The following CHM variants were observed in gnomAD, a reference collection of about 807,000 sequenced individuals.
CHM encodes the protein rab proteins geranylgeranyltransferase component A 1.
In CHM, 10 loss-of-function variants were observed where a neutral mutation model predicts 49.0. That is an observed-to-expected ratio of 0.20 (90% confidence interval 0.13 to 0.35). The LOEUF (loss-of-function observed/expected upper bound fraction) is 0.35. Ranked by LOEUF, CHM falls within the 10% of genes least tolerant of loss-of-function variation. CHM has a pLI of 1.00. For synonymous variants in CHM, 184 were observed against 167.5 expected (o/e 1.10, Z -0.76); for missense variants, 455 against 478.4 (o/e 0.95, Z 0.46).
chrX:85,935,080 G>A (rs1035815790), intron 8 of CHM, among the ~76,000 whole-genome samples: 9 of 111,704 alleles, frequency 8.1e-5, no homozygotes, highest in African/African-American at 2.6e-4. Flanking sequence ...GGCTGTTCAA[G>A]AAACATGGTG....
intron 3 of CHM, among the ~76,000 whole-genome samples, chrX:85,981,220 A>ATATATATATATATATATATATATATATG (rs1931582199): frequency 1.4e-5 from 1 of 69,353 alleles, no homozygotes; most frequent in Non-Finnish European, 2.6e-5. Flanking sequence ...ATATATATAT[A>ATATATATATATATATATATATATATATG]GACACACATA....
At chrX:86,037,891 A>C (rs930116319) in intron 1 of CHM, among the ~76,000 whole-genome samples, 1 of 111,589 alleles carries the variant, frequency 9.0e-6, no homozygotes. Flanking sequence ...GTAGGAAACA[A>C]AAGAATAGTC....
chrX:85,949,052 G>A (rs1434303335), intron 8 of CHM, among the ~76,000 whole-genome samples: 3 of 110,912 alleles, frequency 2.7e-5, no homozygotes, highest in Non-Finnish European at 3.8e-5. Flanking sequence ...CACCGCACCC[G>A]GCAGGATGAG....
At chrX:85,986,024 T>C (rs1026196515) in intron 2 of CHM, among the ~76,000 whole-genome samples, 1 of 110,790 alleles carries the variant, frequency 9.0e-6, no homozygotes, top group Non-Finnish European at 1.9e-5. Context: ...CTTGCTACCC[T>C]TGGACTAACG....
chrX:85,973,300 C>CAAAA (rs58103002), intron 4 of CHM, among the ~76,000 whole-genome samples: 1,368 of 16,328 alleles, frequency 0.084, 220 homozygotes, highest in Non-Finnish European at 0.095. Context: ...TCTGTCTCGA[C>CAAAA]AAAAAAAAAA....
intron 9 of CHM, among the ~76,000 whole-genome samples, chrX:85,906,386 A>G (rs1926589582): frequency 8.9e-6 from 1 of 112,212 alleles, no homozygotes; most frequent in Non-Finnish European, 1.9e-5. Context: ...AGTTATTGTT[A>G]GCTAACATAG....
chrX:85,946,408 G>A (rs969349096), intron 8 of CHM, among the ~76,000 whole-genome samples: 2 of 104,861 alleles, frequency 1.9e-5, no homozygotes, highest in Non-Finnish European at 4.0e-5. Context: ...CAGGCCCAGG[G>A]CCCTGCTTCC....
chrX:85,956,057 TA>T, intron 8 of CHM, 95 bp downstream of exon 8: 1 of 705,162 alleles, frequency 1.4e-6, no homozygotes, highest in Non-Finnish European at 2.2e-6. Context: ...TTGCATATAC[TA>T]AATCTTGAAT....
chrX:85,883,320 A>G (rs1325401586), intron 12 of CHM, among the ~76,000 whole-genome samples: 1 of 111,597 alleles, frequency 9.0e-6, no homozygotes, highest in Non-Finnish European at 1.9e-5. Flanking sequence ...CTGGTAACAT[A>G]TCTTTCATAT....
intron 5 of CHM, among the ~76,000 whole-genome samples, chrX:85,961,090 CA>C (rs1930270675): frequency 9.0e-6 from 1 of 110,992 alleles, no homozygotes; most frequent in African/African-American, 3.3e-5. Context: ...ATAGAAATGT[CA>C]ACTAGTTTGG....
chrX:85,864,534 C>A lies in CHM; in HGVS notation c.*96G>T. On this transcript the variant is annotated 3_prime_UTR_variant, in exon 15 of 15. Transcript: ENST00000357749. ...TACCTATTTTGCCTTATAATTGCTG[C>A]TGCTTTCTAACATTTCTCAAACAGT... is the stretch of plus-strand genomic sequence containing the variant. 1 of 783,747 alleles carries A rather than the reference C, an allele frequency of 1.3e-6. No individual in the cohort carries two copies. Among genetic ancestry groups the A allele is most frequent in the Non-Finnish European group, 1.9e-6 (1 of 523,393 alleles). 64.6% of individuals were successfully genotyped at this position (783,747 alleles called of 1,213,427 possible).
chrX:85,930,153 T>C (rs989656899), intron 8 of CHM, among the ~76,000 whole-genome samples: 2 of 111,786 alleles, frequency 1.8e-5, no homozygotes, highest in African/African-American at 6.5e-5. Flanking sequence ...TCCATAACCA[T>C]TAAACCATAC....
intron 1 of CHM, among the ~76,000 whole-genome samples, chrX:86,045,479 A>G (rs766904174): frequency 3.6e-5 from 4 of 112,181 alleles, no homozygotes; most frequent in Non-Finnish European, 7.5e-5. Flanking sequence ...ACCAATAAAC[A>G]ATATGAAAAA....
chrX:85,965,729 G>A (rs1408524858), intron 4 of CHM, among the ~76,000 whole-genome samples: 1 of 111,238 alleles, frequency 9.0e-6, no homozygotes, highest in East Asian at 2.8e-4. Flanking sequence ...GACAATGATA[G>A]AATAACACTC....
intron 8 of CHM, among the ~76,000 whole-genome samples, chrX:85,940,909 A>G (rs1202079991): frequency 9.0e-6 from 1 of 111,092 alleles, no homozygotes; most frequent in Non-Finnish European, 1.9e-5. Context: ...TCATGCATTC[A>G]TACCTCTACT....
At chrX:86,002,693 C>T (rs920227876) in intron 2 of CHM, among the ~76,000 whole-genome samples, 1 of 112,217 alleles carries the variant, frequency 8.9e-6, no homozygotes, top group Non-Finnish European at 1.9e-5. Flanking sequence ...GGAGGGGCGT[C>T]GCCATTGCTG....
At chrX:86,018,898 G>A (rs925586455) in intron 2 of CHM, among the ~76,000 whole-genome samples, 1 of 112,130 alleles carries the variant, frequency 8.9e-6, no homozygotes, top group Non-Finnish European at 1.9e-5. Context: ...TGGCAGAGGA[G>A]GGAGGTAGAT....
At chrX:85,978,631 T>C (rs988328142) in intron 4 of CHM, 136 bp downstream of exon 4, 4 of 578,942 alleles carry the variant, frequency 6.9e-6, no homozygotes, top group Non-Finnish European at 1.1e-5. Context: ...GAAAGTTCCA[T>C]TTAAAAACAG....
chrX:85,986,741 G>A (rs933340178), intron 2 of CHM, among the ~76,000 whole-genome samples: 2 of 111,770 alleles, frequency 1.8e-5, no homozygotes, highest in African/African-American at 3.3e-5. Context: ...GCACGAACTC[G>A]GGTAACTCAA....
Sources: gnomAD v4.1 joint callset for allele counts (sites outside exome capture counted in the v4.1 genomes callset) on GRCh38, gnomAD v4.1.1 for gene constraint, MANE v1.5 for transcripts, NCBI Gene and HGNC (gene_info 2026-07-23, HGNC 2026-07-21) for gene names.